GRIN1: variants seen among roughly 807,000 people sequenced by gnomAD.
GRIN1 encodes glutamate receptor ionotropic, NMDA 1.
A neutral mutation model predicts 103.0 loss-of-function variants in GRIN1; 38 were observed. The ratio of observed to expected loss-of-function variants is 0.37; its 90% CI spans 0.28 to 0.48. The LOEUF (loss-of-function observed/expected upper bound fraction) is 0.48. Ranked by LOEUF, GRIN1 falls within the 20% of genes least tolerant of loss-of-function variation. The probability of loss-of-function intolerance (pLI) is 0.98; values close to 1 mark genes in which losing one functional copy is unlikely to be tolerated. For synonymous variants in GRIN1, 544 were observed against 532.7 expected, an observed-to-expected ratio of 1.02 and a Z score of -0.29; for missense variants, 577 against 1,288.9, an observed-to-expected ratio of 0.45 and a Z score of 8.46.
At chr9:137,167,016 C>T (rs1833915906) in intron 19 of GRIN1, among the ~76,000 whole-genome samples, 1 of 152,216 alleles carries the variant, frequency 6.6e-6, no homozygotes, top group South Asian at 2.1e-4. Flanking sequence ...AGCTCAGAGA[C>T]CCTCATGGTG....
At position 137,145,825 on chromosome 9, in the gene GRIN1, C is replaced by T. The variant is rs369709649; in HGVS notation, c.493C>T (p.Leu165=). Residue 165 remains leucine, a synonymous_variant, in exon 3 of 20, where the codon CTG becomes TTG. Coordinates refer to ENST00000371561, the MANE Select transcript of GRIN1 (RefSeq NM_007327.4). ...MRVYSWNHII[L]LVSDDHEGRA... ...TGTCTACAGCTGGAACCACATCATC[C>T]TGCTGGTCAGCGACGACCACGAGGG... 27 of 1,612,948 alleles carry T rather than the reference C, an allele frequency of 1.7e-5. No homozygotes were observed. Among genetic ancestry groups the T allele is most frequent in the Middle Eastern group, 1.6e-4 (1 of 6,080 alleles).
chr9:137,158,134 G>A (rs561151480), intron 6 of GRIN1, among the ~76,000 whole-genome samples: 2 of 152,342 alleles, frequency 1.3e-5, no homozygotes, highest in East Asian at 3.9e-4. Flanking sequence ...AAACCACTCA[G>A]CTGTCATGAA....
At chr9:137,157,221 G>T (rs1269880103) in intron 6 of GRIN1, among the ~76,000 whole-genome samples, 184 bp downstream of exon 6, 1 of 151,408 alleles carries the variant, frequency 6.6e-6, no homozygotes, top group Non-Finnish European at 1.5e-5. Flanking sequence ...CTCAAGAGAT[G>T]GGTGGGGGCA....
rs746335646 is a variant in GRIN1, at chr9:137,163,803, C to T, written c.2488C>T (p.Leu830=). The change falls in exon 18 of 20, where the codon CTG becomes TTG. Residue 830 remains leucine (L), a synonymous_variant. Transcript: ENST00000371561. ...TGGGGGCATCGTGGCCGGGATCTTC[C>T]TGATTTTCATCGAGATTGCCTACAA... ...VAGGIVAGIF[L]IFIEIAYKRH... 2.0e-5 allele frequency: 32 copies of T among 1,613,496 alleles called. No individual in the cohort carries two copies. The highest frequency in any genetic ancestry group is 2.0e-5 in the Non-Finnish European group (24 of 1,179,972).
At chr9:137,161,835 A>T in intron 10 of GRIN1, 89 bp from the exon 11 acceptor site, 1 of 1,322,762 alleles carries the variant, frequency 7.6e-7, no homozygotes, top group East Asian at 2.5e-5. Flanking sequence ...AGACCCCCGG[A>T]GTGCTCTAGG....
intron 16 of GRIN1, 46 bp from the exon 17 acceptor site, chr9:137,163,513 G>A (rs1473966432): frequency 3.4e-6 from 3 of 890,456 alleles, no homozygotes; most frequent in African/African-American, 1.7e-5. Flanking sequence ...GCTCCTTCCC[G>A]TCCTGGGCCC....
At position 137,167,715 on chromosome 9, in the gene GRIN1, C is replaced by G; in HGVS notation, c.*188C>G. 1 of 1,607,912 alleles carries G rather than the reference C, an allele frequency of 6.2e-7. No homozygotes were observed. ...TGGCCGGTCCACCCCGTCCCGGCCC[C>G]GCGCGTGCCCCCAGCGTGGGGCTAA... On this transcript the variant is annotated 3_prime_UTR_variant, in exon 20 of 20. Transcript: ENST00000371561.
At position 137,158,370 on chromosome 9, in the gene GRIN1, C is replaced by T. The variant is rs1413985327; in HGVS notation, c.969-9C>T. Reference sequence around the variant, plus strand: ...CTCTGAGAAGCCTCAGCTATGCTTCCTTCCCTAGAGTGCTGATGTCTTCCA... The same window carrying T: ...CTCTGAGAAGCCTCAGCTATGCTTCTTTCCCTAGAGTGCTGATGTCTTCCA... On this transcript the variant is annotated splice_polypyrimidine_tract_variant and intron_variant, in intron 6 of 19. Transcript: ENST00000371561. The T allele has an allele frequency of 6.2e-7, 1 of 1,613,164 alleles. No individual in the cohort carries two copies. Among genetic ancestry groups the T allele is most frequent in the South Asian group, 1.1e-5 (1 of 91,080 alleles).
intron 4 of GRIN1, among the ~76,000 whole-genome samples, chr9:137,154,102 G>C (rs1324344586): frequency 1.4e-5 from 2 of 146,664 alleles, no homozygotes; most frequent in African/African-American, 5.1e-5. Flanking sequence ...ATGAGCCACC[G>C]TGCCTGCCTT....
chr9:137,141,583 A>C (rs544165640), intron 1 of GRIN1, among the ~76,000 whole-genome samples: 1 of 152,222 alleles, frequency 6.6e-6, no homozygotes, highest in Admixed American at 6.5e-5. Flanking sequence ...CACCCTTCAG[A>C]GCTGCCCGCC....
At chr9:137,143,784 G>T (rs1370435256) in intron 2 of GRIN1, among the ~76,000 whole-genome samples, 2 of 152,214 alleles carry the variant, frequency 1.3e-5, no homozygotes, top group African/African-American at 2.4e-5. Flanking sequence ...GAGGGAGCAG[G>T]TGAAAAATAA....
At position 137,139,735 on chromosome 9, in the gene GRIN1, C is replaced by A. The variant is rs781310102; in HGVS notation, c.249C>A (p.Ile83=). The part of the protein sequence containing the change: ...QMALSVCEDL[I]SSQVYAILVS... ...CTCTGTCGGTGTGCGAGGACCTCAT[C>A]TCCAGCCAGGTGCCCTCCCCCACCT... Residue 83 remains isoleucine, a synonymous_variant, in exon 1 of 20, where the codon ATC becomes ATA. Transcript: ENST00000371561. This position sits in a 1 kb window ranked among gnomAD's most constrained non-coding sequence, Gnocchi z 7.7. 3 of 1,613,594 alleles carry A rather than the reference C, an allele frequency of 1.9e-6. No individual in the cohort carries two copies. In the Admixed American group the frequency reaches 5.0e-5, roughly 27 times the overall value.
intron 3 of GRIN1, chr9:137,148,357 G>T: frequency 1.6e-6 from 1 of 630,806 alleles, no homozygotes; most frequent in Non-Finnish European, 2.8e-6. Context: ...GGCAGGAGAG[G>T]GCAGGCAGGA....
rs189021406 is a variant in GRIN1 at position 137,157,188 on chromosome 9, C to T, written c.968+151C>T. On this transcript the variant is annotated intron_variant, in intron 6 of 19. Coordinates refer to ENST00000371561, the MANE Select transcript of GRIN1 (RefSeq NM_007327.4). ...GCTCTCAGGACTAGGCGGGGCCGCT[C>T]TTAGGGAGCTGGGGGAGCGCTCCTC... 6.5e-3 allele frequency: 2,672 copies of T among 414,070 alleles called. 60 individuals carry two copies. In the African/African-American group the frequency reaches 0.067, roughly 10 times the overall value. The allele number at this position is 414,070 out of a possible 1,614,324, so 25.6% of individuals were successfully genotyped here. A position where few individuals can be genotyped will look rare whatever the true frequency, so the allele number is the denominator to read the frequency against.
At chr9:137,144,726 AGGGGTG>A (rs2131210658) in intron 2 of GRIN1, among the ~76,000 whole-genome samples, 1 of 125,444 alleles carries the variant, frequency 8.0e-6, no homozygotes, top group East Asian at 2.7e-4. Flanking sequence ...AAGTGTCCCC[AGGGGTG>A]TGGGGACAGG....
chr9:137,154,026 G>A (rs1171984542), intron 4 of GRIN1, among the ~76,000 whole-genome samples: 1 of 151,800 alleles, frequency 6.6e-6, no homozygotes, highest in East Asian at 1.9e-4. Context: ...TGGCCAGGCT[G>A]GTCTTGAACT....
At chr9:137,143,407 TG>T (rs1177218536) in intron 2 of GRIN1, among the ~76,000 whole-genome samples, 1 of 152,158 alleles carries the variant, frequency 6.6e-6, no homozygotes, top group Non-Finnish European at 1.5e-5. Flanking sequence ...CATGGGAAGG[TG>T]GGGGTCTCAT....
intron 4 of GRIN1, among the ~76,000 whole-genome samples, chr9:137,151,253 A>G (rs1184563207): frequency 8.1e-6 from 1 of 123,600 alleles, no homozygotes; most frequent in Admixed American, 8.2e-5. Flanking sequence ...AAAAAAGACC[A>G]GCCCAGGGAA....
intron 3 of GRIN1, chr9:137,148,265 C>G: frequency 7.9e-7 from 1 of 1,261,756 alleles, no homozygotes. Context: ...GCCCTGGCCT[C>G]GGCGCCTCGG....
Sources: allele counts gnomAD v4.1 joint callset (sites outside exome capture counted in the v4.1 genomes callset), GRCh38; gene constraint gnomAD v4.1.1; non-coding constraint Gnocchi (gnomAD v3.1); transcripts MANE v1.5; gene names NCBI Gene and HGNC (gene_info 2026-07-23, HGNC 2026-07-21).